SNRPD1: variants seen among roughly 807,000 people sequenced by gnomAD.
The protein encoded by SNRPD1 is small nuclear ribonucleoprotein Sm D1.
A neutral mutation model predicts 14.4 loss-of-function variants in SNRPD1; 1 was observed. That is an observed-to-expected ratio of 0.07 (90% CI 0.02 to 0.33). SNRPD1 has a LOEUF of 0.33. Among genes scored for constraint, SNRPD1 ranks in the 10% least tolerant of loss-of-function variants. The pLI, the probability that SNRPD1 is intolerant of heterozygous loss-of-function variation, is 1.00. For missense variants in SNRPD1, 52 were observed against 146.4 expected, an observed-to-expected ratio of 0.36 and a Z score of 3.33; for synonymous variants, 42 against 50.3, an observed-to-expected ratio of 0.83 and a Z score of 0.70.
In SNRPD1 at chr18:21,632,728, C is replaced by T. The variant is rs1961901117; in HGVS notation, c.*3590C>T. ...GAGTTTAACATGCTTCTCTTGACCCCTCTTCACCACCCCCTAAAAGGCAGA... is the reference window on the plus strand; with the variant it reads ...GAGTTTAACATGCTTCTCTTGACCCTTCTTCACCACCCCCTAAAAGGCAGA... On this transcript the variant is annotated 3_prime_UTR_variant, in exon 4 of 4. Coordinates refer to ENST00000300413, the MANE Select transcript of SNRPD1 (RefSeq NM_006938.4). 6.6e-6 allele frequency: 1 copy of T among 152,294 alleles called. No homozygotes were observed. Among genetic ancestry groups the T allele is most frequent in the Non-Finnish European group, 1.5e-5 (1 of 68,142 alleles). The allele number at this position is 152,294 out of a possible 1,614,324, so 9.4% of individuals were successfully genotyped here.
At chr18:21,627,016 C>T (rs1234950102) in intron 3 of SNRPD1, among the ~76,000 whole-genome samples, 6 of 145,760 alleles carry the variant, frequency 4.1e-5, no homozygotes, top group African/African-American at 1.3e-4. Context: ...CAGCTGGGCG[C>T]GGTGGCTCAC....
intron 1 of SNRPD1, among the ~76,000 whole-genome samples, chr18:21,620,898 T>C (rs1329558905): frequency 2.6e-5 from 4 of 152,142 alleles, no homozygotes; most frequent in Non-Finnish European, 4.4e-5. Context: ...GCGCGGTGGC[T>C]CATGCCTGTA....
At chr18:21,628,829 AAAT>A (rs1401437478) in intron 3 of SNRPD1, among the ~76,000 whole-genome samples, 1 of 151,926 alleles carries the variant, frequency 6.6e-6, no homozygotes, top group East Asian at 1.9e-4. Flanking sequence ...GAAATGAAAC[AAAT>A]AATAATCTCC....
intron 1 of SNRPD1, among the ~76,000 whole-genome samples, chr18:21,616,221 G>C (rs12458473): frequency 1.3e-5 from 2 of 152,072 alleles, no homozygotes; most frequent in African/African-American, 4.8e-5. Flanking sequence ...TCCTGACCTC[G>C]TGATCCGCCC....
intron 1 of SNRPD1, among the ~76,000 whole-genome samples, chr18:21,622,321 T>A (rs1231305897): frequency 6.6e-6 from 1 of 152,028 alleles, no homozygotes. Flanking sequence ...TTGTATTTTT[T>A]AGTAGAGACG....
intron 3 of SNRPD1, among the ~76,000 whole-genome samples, chr18:21,624,575 C>T (rs1420955064): frequency 6.6e-6 from 1 of 151,360 alleles, no homozygotes; most frequent in Non-Finnish European, 1.5e-5. Context: ...CCTTTAGTCC[C>T]AGTTACTCGG....
chr18:21,614,109 G>C (rs919801839), intron 1 of SNRPD1, among the ~76,000 whole-genome samples: 7 of 150,424 alleles, frequency 4.7e-5, no homozygotes, highest in Non-Finnish European at 8.9e-5. Context: ...CCATTCTTTC[G>C]AAAAAATACA....
chr18:21,630,049 T>C lies in SNRPD1; in HGVS notation c.*911T>C, dbSNP rs1303357537. 1 of 152,198 alleles carries C rather than the reference T, an allele frequency of 6.6e-6. No homozygotes were observed. The highest frequency in any genetic ancestry group is 6.5e-5 in the Admixed American group (1 of 15,278). 9.4% of individuals were successfully genotyped at this position (152,198 alleles called of 1,614,324 possible). A position where few individuals can be genotyped will look rare whatever the true frequency, so the allele number is the denominator to read the frequency against. On this transcript the variant is annotated 3_prime_UTR_variant, in exon 4 of 4. Transcript: ENST00000300413. ...GCTGCTAATGTCTTACTTTTGTTTC[T>C]TTTGCTTTTTAATCAGTTCTTAATA... is the stretch of plus-strand genomic sequence containing the variant.
intron 1 of SNRPD1, among the ~76,000 whole-genome samples, chr18:21,612,715 T>C (rs963884576): frequency 6.6e-6 from 1 of 152,260 alleles, no homozygotes; most frequent in African/African-American, 2.4e-5. Flanking sequence ...CAGCGCCTCC[T>C]GGGACACATC....
intron 1 of SNRPD1, among the ~76,000 whole-genome samples, chr18:21,612,754 T>C (rs1568122108): frequency 6.6e-6 from 1 of 152,266 alleles, no homozygotes; most frequent in Non-Finnish European, 1.5e-5. Context: ...ATTTTCTTTT[T>C]GAGTGGAACT....
At chr18:21,617,108 G>A (rs192566058) in intron 1 of SNRPD1, among the ~76,000 whole-genome samples, 2 of 151,242 alleles carry the variant, frequency 1.3e-5, no homozygotes, top group East Asian at 2.0e-4. Context: ...AGCATCATTT[G>A]TTGAAAACAC....
chr18:21,617,722 G>T (rs1334084791), intron 1 of SNRPD1, among the ~76,000 whole-genome samples: 1 of 152,090 alleles, frequency 6.6e-6, no homozygotes, highest in African/African-American at 2.4e-5. Context: ...CATTTCATCG[G>T]CCAGGCGTGG....
intron 2 of SNRPD1, 102 bp downstream of exon 2, chr18:21,622,903 C>T: frequency 3.6e-6 from 2 of 553,658 alleles, no homozygotes; most frequent in South Asian, 2.8e-5. Flanking sequence ...AGTACAAATC[C>T]TTATTTTTTT....
At chr18:21,622,179 G>C (rs1387208534) in intron 1 of SNRPD1, among the ~76,000 whole-genome samples, 12 of 147,186 alleles carry the variant, frequency 8.2e-5, no homozygotes, top group African/African-American at 3.0e-4. Flanking sequence ...TCGCTCTGTT[G>C]CCCAGGCTGG....
chr18:21,613,394 ATAGTT>A (rs2038934120), intron 1 of SNRPD1, among the ~76,000 whole-genome samples: 1 of 152,108 alleles, frequency 6.6e-6, no homozygotes, highest in South Asian at 2.1e-4. Context: ...TATCCGCTAA[ATAGTT>A]ATTGGGCACC....
Position 21,629,305 on chromosome 18 carries a change from C to T in SNRPD1, c.*167C>T. The stretch of plus-strand genomic sequence containing the variant: ...ATTCACGAAATTACCACAGTGAGAG[C>T]TAAGCATTTCTACTGGGCAGTTTCA... On this transcript the variant is annotated 3_prime_UTR_variant, in exon 4 of 4. Coordinates refer to ENST00000300413, the MANE Select transcript of SNRPD1 (RefSeq NM_006938.4). The T allele has an allele frequency of 1.8e-6, 1 of 566,724 alleles. No homozygotes were observed. Among genetic ancestry groups the T allele is most frequent in the Non-Finnish European group, 3.2e-6 (1 of 314,246 alleles). 35.1% of individuals were successfully genotyped at this position (566,724 alleles called of 1,614,324 possible). A position where few individuals can be genotyped will look rare whatever the true frequency, so the allele number is the denominator to read the frequency against.
Position 21,630,043 on chromosome 18 carries a change from T to G in SNRPD1, c.*905T>G, listed in dbSNP as rs1451938720. 1 of 152,206 alleles carries G rather than the reference T, an allele frequency of 6.6e-6. No individual in the cohort carries two copies. Among genetic ancestry groups the G allele is most frequent in the Non-Finnish European group, 1.5e-5 (1 of 68,050 alleles). 9.4% of individuals were successfully genotyped at this position (152,206 alleles called of 1,614,324 possible). A position where few individuals can be genotyped will look rare whatever the true frequency, so the allele number is the denominator to read the frequency against. On this transcript the variant is annotated 3_prime_UTR_variant, in exon 4 of 4. Coordinates refer to ENST00000300413, the MANE Select transcript of SNRPD1 (RefSeq NM_006938.4). ...TGTCTAGCTGCTAATGTCTTACTTT[T>G]GTTTCTTTTGCTTTTTAATCAGTTC...
At chr18:21,621,688 C>T (rs1424236969) in intron 1 of SNRPD1, among the ~76,000 whole-genome samples, 1 of 152,058 alleles carries the variant, frequency 6.6e-6, no homozygotes, top group Non-Finnish European at 1.5e-5. Context: ...AGCGATTCTC[C>T]TGCCTCAGCC....
chr18:21,625,316 A>AATTTTTTTTTTTT (rs771340999), intron 3 of SNRPD1, among the ~76,000 whole-genome samples: 14 of 109,104 alleles, frequency 1.3e-4, no homozygotes, highest in Admixed American at 4.3e-4. Context: ...GTTGAAAAAA[A>AATTTTTTTTTTTT]TTTTTTTTTT....
Sources: allele counts gnomAD v4.1 joint callset (sites outside exome capture counted in the v4.1 genomes callset), GRCh38; gene constraint gnomAD v4.1.1; transcripts MANE v1.5; gene names NCBI Gene and HGNC (gene_info 2026-07-23, HGNC 2026-07-21).